The following PARD3B variants were observed in gnomAD, a reference collection of about 807,000 sequenced individuals.
PARD3B encodes par-3 family cell polarity regulator beta.
PARD3B carries 103 observed loss-of-function variants against 130.2 expected under a neutral mutation model. The observed-to-expected ratio is 0.79, with a 90% CI of 0.67 to 0.93. The LOEUF is 0.93. Among genes scored for constraint, PARD3B ranks in the 40% least tolerant of loss-of-function variants. The probability of loss-of-function intolerance (pLI) is 0.00; values close to 1 mark genes in which losing one functional copy is unlikely to be tolerated. For synonymous variants in PARD3B, 583 were observed against 553.2 expected, an observed-to-expected ratio of 1.05 and a Z score of -0.76; for missense variants, 1,609 against 1,499.2, an observed-to-expected ratio of 1.07 and a Z score of -1.21.
At chr2:205,392,125 C>T (rs957281884) in intron 18 of PARD3B, among the ~76,000 whole-genome samples, 10 of 152,194 alleles carry the variant, frequency 6.6e-5, no homozygotes, top group African/African-American at 2.2e-4. Context: ...TTTCCTAGCC[C>T]CTCGGTATGG....
chr2:205,333,666 C>G (rs1203749169), intron 18 of PARD3B, among the ~76,000 whole-genome samples: 1 of 152,168 alleles, frequency 6.6e-6, no homozygotes, highest in Non-Finnish European at 1.5e-5. Flanking sequence ...AAATGCTTGA[C>G]AATTCTAGTC....
Position 205,572,641 on chromosome 2 carries a change from A to C in PARD3B, c.3260+19238A>C, listed in dbSNP as rs1472187761. ...GCACCTGTAGTCCCAGTTACTCGGG[A>C]GGCTGAGGGAGGAGAATTGCTTGAA... is the stretch of plus-strand genomic sequence containing the variant. On this transcript the variant is annotated intron_variant, in intron 22 of 22. Coordinates refer to ENST00000406610, the MANE Select transcript of PARD3B (RefSeq NM_001302769.2). The surrounding 1 kb of genome is among the most constrained non-coding windows in gnomAD (Gnocchi z 4.2). Among the ~76,000 whole-genome samples, 2 of 152,126 alleles carry C rather than the reference A, an allele frequency of 1.3e-5. No individual in the cohort carries two copies. Among genetic ancestry groups the C allele is most frequent in the Non-Finnish European group, 2.9e-5 (2 of 68,012 alleles).
rs911956288 is a variant in PARD3B at position 205,325,926 on chromosome 2, G to A, written c.2630+24225G>A. Reference sequence around the variant, plus strand: ...ATAAACACAAAAACATCCTATCATCGTAGACTTCATTGCCTGTGTATCTTA... The same window carrying A: ...ATAAACACAAAAACATCCTATCATCATAGACTTCATTGCCTGTGTATCTTA... On this transcript the variant is annotated intron_variant, in intron 18 of 22. Coordinates refer to ENST00000406610, the MANE Select transcript of PARD3B (RefSeq NM_001302769.2). This position sits in a 1 kb window ranked among gnomAD's most constrained non-coding sequence, Gnocchi z 4.1. Among the ~76,000 whole-genome samples, 8 of 152,094 alleles carry A rather than the reference G, an allele frequency of 5.3e-5. No individual in the cohort carries two copies. In the East Asian group the frequency reaches 7.7e-4, roughly 15 times the overall value.
intron 3 of PARD3B, among the ~76,000 whole-genome samples, chr2:205,037,715 C>T (rs1217736931): frequency 2.6e-5 from 4 of 151,180 alleles, no homozygotes; most frequent in Non-Finnish European, 4.4e-5. Flanking sequence ...TCAGTTTCCC[C>T]TTAACTGGAA....
rs779053161 is a variant in PARD3B at position 205,125,583 on chromosome 2, G to C, written c.1306-26G>C. ...GGAGATAACAAGTATTGTGATTGTG[G>C]CTGTTCATATGCTTTTATTCATTAG... On this transcript the variant is annotated intron_variant, in intron 9 of 22. Coordinates refer to ENST00000406610, the MANE Select transcript of PARD3B (RefSeq NM_001302769.2). The surrounding 1 kb of genome is among the most constrained non-coding windows in gnomAD (Gnocchi z 4.0). 1.9e-6 allele frequency: 3 copies of C among 1,610,628 alleles called. No individual in the cohort carries two copies. The highest frequency in any genetic ancestry group is 2.5e-6 in the Non-Finnish European group (3 of 1,178,020).
At chr2:204,550,987 T>C (rs1004609978) in intron 1 of PARD3B, among the ~76,000 whole-genome samples, 7 of 152,254 alleles carry the variant, frequency 4.6e-5, no homozygotes, top group Admixed American at 4.6e-4. Flanking sequence ...GATTGGGCAC[T>C]GACTTACTTG....
intron 4 of PARD3B, among the ~76,000 whole-genome samples, chr2:205,084,450 G>A (rs17283572): frequency 0.16 from 24,250 of 151,954 alleles, 2,367 homozygotes; most frequent in East Asian, 0.25. Context: ...ATGTCTTATT[G>A]CTGCACAGGG....
In PARD3B at chr2:204,975,639, C is replaced by A. The variant is rs142260064; in HGVS notation, c.394+10316C>A. ...CTGTGTAAATTACTGATTGGAAACC[C>A]ATTGATGATCTTTTCTCTAAAGCTG... On this transcript the variant is annotated intron_variant, in intron 3 of 22. Transcript: ENST00000406610. Among the ~76,000 whole-genome samples, 14 of 152,304 alleles carry A rather than the reference C, an allele frequency of 9.2e-5. No homozygotes were observed. In the East Asian group the frequency reaches 2.7e-3, roughly 29 times the overall value.
chr2:205,162,537 C>T (rs1282186153), intron 11 of PARD3B, among the ~76,000 whole-genome samples: 2 of 152,188 alleles, frequency 1.3e-5, no homozygotes, highest in Non-Finnish European at 2.9e-5. Context: ...GGCGTTTGCC[C>T]CTGACATACA....
At position 205,619,698 on chromosome 2, in the gene PARD3B, C is replaced by T. The variant is rs2055540209; in HGVS notation, c.*3885C>T. ...GATATCTAAAATAAGCCTAGAATCTCACACACAGCTGTGACTTCTAAGTGA... is the reference window on the plus strand; with the variant it reads ...GATATCTAAAATAAGCCTAGAATCTTACACACAGCTGTGACTTCTAAGTGA... On this transcript the variant is annotated 3_prime_UTR_variant, in exon 23 of 23. Transcript: ENST00000406610. The T allele has an allele frequency of 6.6e-6, 1 of 152,196 alleles. No homozygotes were observed. Among genetic ancestry groups the T allele is most frequent in the Non-Finnish European group, 1.5e-5 (1 of 68,030 alleles). 9.4% of individuals were successfully genotyped at this position (152,196 alleles called of 1,614,324 possible).
chr2:205,566,443 G>A (rs1353088611), intron 22 of PARD3B, among the ~76,000 whole-genome samples: 1 of 152,122 alleles, frequency 6.6e-6, no homozygotes, highest in Non-Finnish European at 1.5e-5. Context: ...ATGATGGATT[G>A]CATGTGGGGG....
intron 3 of PARD3B, among the ~76,000 whole-genome samples, chr2:205,016,278 C>A (rs967006806): frequency 2.0e-5 from 3 of 152,262 alleles, no homozygotes; most frequent in African/African-American, 7.2e-5. Flanking sequence ...GAAATGTAAA[C>A]CCTTCTGCAC....
chr2:204,626,135 G>A (rs954753910), intron 1 of PARD3B, among the ~76,000 whole-genome samples: 4 of 152,072 alleles, frequency 2.6e-5, no homozygotes, highest in Non-Finnish European at 5.9e-5. Context: ...ATTAGAAGTA[G>A]TAATCCCCAT....
chr2:204,575,882 G>C (rs1384912407), intron 1 of PARD3B, among the ~76,000 whole-genome samples: 2 of 152,188 alleles, frequency 1.3e-5, no homozygotes, highest in Non-Finnish European at 2.9e-5. Flanking sequence ...TTCCAAATCT[G>C]TTAGTCCTGT....
chr2:204,745,982 CTT>C, intron 2 of PARD3B, among the ~76,000 whole-genome samples: 1 of 145,098 alleles, frequency 6.9e-6, no homozygotes, highest in South Asian at 2.2e-4. Context: ...GATTTTTTTT[CTT>C]TTTTTTTTTA....
rs572034796 is a variant in PARD3B, at chr2:205,616,044, A to G, written c.*231A>G. ...CGAAAGATGGGGCTATAAAAACAAA[A>G]CTACCTGATAGTTGAAACGCTTTCA... On this transcript the variant is annotated 3_prime_UTR_variant, in exon 23 of 23. Transcript: ENST00000406610. 13 of 527,144 alleles carry G rather than the reference A, an allele frequency of 2.5e-5. No homozygotes were observed. In the African/African-American group the frequency reaches 2.5e-4, roughly 10 times the overall value. 32.7% of individuals were successfully genotyped at this position (527,144 alleles called of 1,614,324 possible).
Position 204,568,109 on chromosome 2 carries a change from A to G in PARD3B, c.120+21990A>G, listed in dbSNP as rs186309671. Among the ~76,000 whole-genome samples the G allele has an allele frequency of 2.0e-5, 3 of 152,360 alleles. No homozygotes were observed. In the East Asian group the frequency reaches 5.8e-4, roughly 29 times the overall value. ...GCAAATAACCTTTTAGACTTGAGAA[A>G]GAGTTTTGACTTTGCAGATTTTCAA... is the stretch of plus-strand genomic sequence containing the variant. On this transcript the variant is annotated intron_variant, in intron 1 of 22. Transcript: ENST00000406610.
intron 11 of PARD3B, among the ~76,000 whole-genome samples, chr2:205,168,658 C>A (rs1001236150): frequency 2.0e-5 from 3 of 148,000 alleles, no homozygotes; most frequent in Non-Finnish European, 4.4e-5. Flanking sequence ...AGGTAGACAG[C>A]CTTTTTTTTT....
At chr2:204,904,243 A>G (rs1317425676) in intron 2 of PARD3B, among the ~76,000 whole-genome samples, 1 of 152,208 alleles carries the variant, frequency 6.6e-6, no homozygotes, top group Admixed American at 6.5e-5. Flanking sequence ...TAATTAAAAT[A>G]ATTTAGCTTC....
Sources: gnomAD v4.1 joint callset for allele counts (sites outside exome capture counted in the v4.1 genomes callset) on GRCh38, gnomAD v4.1.1 for gene constraint, Gnocchi (gnomAD v3.1) non-coding constraint, MANE v1.5 for transcripts, NCBI Gene and HGNC (gene_info 2026-07-23, HGNC 2026-07-21) for gene names.